SMARCC1: variants seen among roughly 807,000 people sequenced by gnomAD.
The protein encoded by SMARCC1 is SWI/SNF complex subunit SMARCC1.
Under a neutral mutation model 147.4 loss-of-function variants are expected in SMARCC1, and 43 were observed. That is an observed-to-expected ratio of 0.29 (90% CI 0.23 to 0.38). The LOEUF is 0.38. Among genes scored for constraint, SMARCC1 ranks in the 10% least tolerant of loss-of-function variants. SMARCC1 has a pLI of 1.00. For synonymous variants in SMARCC1, 495 were observed against 484.4 expected, an observed-to-expected ratio of 1.02 and a Z score of -0.29; for missense variants, 1,119 against 1,381.1, an observed-to-expected ratio of 0.81 and a Z score of 3.01.
At chr3:47,601,075 A>C (rs1342088472) in intron 26 of SMARCC1, among the ~76,000 whole-genome samples, 1 of 149,904 alleles carries the variant, frequency 6.7e-6, no homozygotes, top group Non-Finnish European at 1.5e-5. Flanking sequence ...CAGTATCAAA[A>C]GCTTAGAATG....
At chr3:47,709,105 A>T (rs1018929147) in intron 9 of SMARCC1, among the ~76,000 whole-genome samples, 3 of 151,984 alleles carry the variant, frequency 2.0e-5, no homozygotes, top group Non-Finnish European at 2.9e-5. Flanking sequence ...TACTGAAAAT[A>T]AAAAAATTAG....
intron 24 of SMARCC1, among the ~76,000 whole-genome samples, chr3:47,631,512 G>A (rs1442323695): frequency 6.6e-6 from 1 of 152,132 alleles, no homozygotes; most frequent in African/African-American, 2.4e-5. Flanking sequence ...AGATAGAAAG[G>A]ATCCAGAGCA....
chr3:47,595,153 A>T (rs2032251254), intron 26 of SMARCC1, among the ~76,000 whole-genome samples: 1 of 152,124 alleles, frequency 6.6e-6, no homozygotes. Context: ...CCTGAAGAGG[A>T]CATCTGGCGG....
At position 47,693,227 on chromosome 3, in the gene SMARCC1, T is replaced by C. The variant is rs370197896; in HGVS notation, c.1225+14A>G. The C allele has an allele frequency of 3.4e-6, 5 of 1,476,344 alleles. No homozygotes were observed. Among genetic ancestry groups the C allele is most frequent in the Non-Finnish European group, 4.7e-6 (5 of 1,055,026 alleles). 91.5% of individuals were successfully genotyped at this position (1,476,344 alleles called of 1,614,324 possible). The stretch of plus-strand genomic sequence containing the variant: ...CAGAAAGCACAGACCAGTGTATAGA[T>C]TTTAGGTGCTTACCTAGATCCGCTA... On this transcript the variant is annotated intron_variant, in intron 12 of 27. Coordinates refer to ENST00000254480, the MANE Select transcript of SMARCC1 (RefSeq NM_003074.4).
At chr3:47,610,457 G>T in intron 25 of SMARCC1, 130 bp from the exon 26 acceptor site, 2 of 899,520 alleles carry the variant, frequency 2.2e-6, no homozygotes, top group Non-Finnish European at 1.8e-6. Context: ...CTCACTTCCT[G>T]CACCTTCTAC....
chr3:47,668,842 G>A (rs1014837769), intron 19 of SMARCC1, among the ~76,000 whole-genome samples: 3 of 150,572 alleles, frequency 2.0e-5, no homozygotes, highest in African/African-American at 7.3e-5. Flanking sequence ...CTGAGACTGC[G>A]CTACTGCACA....
intron 12 of SMARCC1, among the ~76,000 whole-genome samples, chr3:47,689,837 A>G (rs1221940961): frequency 6.6e-6 from 1 of 152,198 alleles, no homozygotes; most frequent in African/African-American, 2.4e-5. Flanking sequence ...TAATCTTAGT[A>G]AGACAATGCC....
At chr3:47,651,966 A>AT (rs1336999415) in intron 21 of SMARCC1, among the ~76,000 whole-genome samples, 1 of 152,050 alleles carries the variant, frequency 6.6e-6, no homozygotes, top group Admixed American at 6.6e-5. Flanking sequence ...CACTGACTGA[A>AT]TTTTGGTGTA....
rs1576412222 is a variant in SMARCC1 at position 47,689,399 on chromosome 3, T to C, written c.1251A>G (p.Thr417=). 2 of 1,613,026 alleles carry C rather than the reference T, an allele frequency of 1.2e-6. No homozygotes were observed. The highest frequency in any genetic ancestry group is 1.7e-6 in the Non-Finnish European group (2 of 1,179,140). ...DLDEQDEETV[T]AGGKEDEDPA... ...ACTGAATTGTTACCTTTCCTCCTGCTGTGACTGTTTCTTCATCCTGCTCAT... is the reference window on the plus strand; with the variant it reads ...ACTGAATTGTTACCTTTCCTCCTGCCGTGACTGTTTCTTCATCCTGCTCAT... Residue 417 remains threonine, a synonymous_variant, in exon 13 of 28, where the codon ACA becomes ACG. Transcript: ENST00000254480.
In SMARCC1 at chr3:47,662,495, A is replaced by G. The variant is rs1300770782; in HGVS notation, c.1997T>C (p.Ile666Thr). The G allele has an allele frequency of 8.7e-6, 14 of 1,614,148 alleles. No homozygotes were observed. The highest frequency in any genetic ancestry group is 2.2e-5 in the East Asian group (1 of 44,876). ...TGAATTCTCAAGGTATGGGTCCTCAATGGGAAGTCTCAAAAAGTGGAGGAT... is the reference window on the plus strand; with the variant it reads ...TGAATTCTCAAGGTATGGGTCCTCAGTGGGAAGTCTCAAAAAGTGGAGGAT... ...ECILHFLRLP[I>T]EDPYLENSDA... is the part of the protein sequence containing the mutation. The change falls in exon 20 of 28, where the codon ATT becomes ACT. Residue 666 changes from isoleucine to threonine, a missense_variant. This residue lies in a region of SMARCC1 where 178 missense variants were observed against 264.6 expected (regional missense o/e 0.67). Coordinates refer to ENST00000254480, the MANE Select transcript of SMARCC1 (RefSeq NM_003074.4).
intron 19 of SMARCC1, among the ~76,000 whole-genome samples, chr3:47,667,317 CAAAAAA>C (rs71070207): frequency 1.5e-5 from 2 of 131,738 alleles, no homozygotes; most frequent in Admixed American, 7.5e-5. Context: ...GACTCCGTCT[CAAAAAA>C]AAAAAAAAAA....
intron 2 of SMARCC1, among the ~76,000 whole-genome samples, chr3:47,768,897 A>G (rs2034873235): frequency 1.3e-5 from 2 of 152,134 alleles, no homozygotes; most frequent in Admixed American, 6.6e-5. Flanking sequence ...AAGTATGTTT[A>G]AATTTTTGTT....
chr3:47,699,581 CCTATATGTCTATACATATGTATATTGCT>C (rs1428752781), intron 11 of SMARCC1, among the ~76,000 whole-genome samples: 6 of 151,670 alleles, frequency 4.0e-5, no homozygotes, highest in Non-Finnish European at 5.9e-5. Flanking sequence ...TGTATATTGC[CCTATATGTCTATACATATGTATATTGCT>C]CTATATGTCT....
chr3:47,664,083 G>T (rs2033387971), intron 19 of SMARCC1: 4 of 424,190 alleles, frequency 9.4e-6, no homozygotes, highest in Admixed American at 4.2e-5. Flanking sequence ...AACTGTAACT[G>T]AAAGTTTTTT....
intron 2 of SMARCC1, among the ~76,000 whole-genome samples, chr3:47,764,335 TA>T (rs1282970751): frequency 6.6e-6 from 1 of 152,160 alleles, no homozygotes; most frequent in Non-Finnish European, 1.5e-5. Context: ...TGTGCCCAGC[TA>T]AATATGTACT....
intron 10 of SMARCC1, among the ~76,000 whole-genome samples, chr3:47,704,256 A>G (rs938957527): frequency 6.6e-6 from 1 of 152,368 alleles, no homozygotes; most frequent in African/African-American, 2.4e-5. Flanking sequence ...GAAAACATAC[A>G]GTGCAGATGA....
intron 19 of SMARCC1, 92 bp from the exon 20 acceptor site, chr3:47,662,684 T>A: frequency 2.0e-6 from 2 of 990,634 alleles, no homozygotes; most frequent in Non-Finnish European, 3.0e-6. Context: ...TTAAAAAAAA[T>A]TAATGCAAAT....
intron 2 of SMARCC1, among the ~76,000 whole-genome samples, chr3:47,747,514 G>C (rs2034579581): frequency 1.0e-5 from 1 of 99,318 alleles, no homozygotes; most frequent in Non-Finnish European, 2.4e-5. Flanking sequence ...GCACACGCCT[G>C]TAGTCCCACC....
chr3:47,593,087 A>G (rs1254461839), intron 26 of SMARCC1, among the ~76,000 whole-genome samples: 1 of 152,054 alleles, frequency 6.6e-6, no homozygotes, highest in Admixed American at 6.6e-5. Flanking sequence ...TCAGGCTCCC[A>G]AAGTGCTGGG....
Sources: allele counts gnomAD v4.1 joint callset (sites outside exome capture counted in the v4.1 genomes callset), GRCh38; gene constraint gnomAD v4.1.1; regional missense constraint gnomAD v4.1.1; transcripts MANE v1.5; gene names NCBI Gene and HGNC (gene_info 2026-07-23, HGNC 2026-07-21).